CCDC74B: variants seen among roughly 807,000 people sequenced by gnomAD.
CCDC74B encodes the protein coiled-coil domain-containing protein 74B.
CCDC74B carries 34 observed loss-of-function variants against 38.0 expected under a neutral mutation model. The observed-to-expected ratio is 0.89, with a 90% CI of 0.68 to 1.19. The LOEUF is 1.19. CCDC74B is among the 50% of genes most tolerant of loss of function. The probability of loss-of-function intolerance (pLI) is 0.00; values close to 1 mark genes in which losing one functional copy is unlikely to be tolerated. For missense variants in CCDC74B, 358 were observed against 406.0 expected (o/e 0.88, Z 1.02); for synonymous variants, 132 against 170.4 (o/e 0.77, Z 1.76).
rs1362576839 is a variant in CCDC74B at position 130,139,963 on chromosome 2, G to A, written c.753-16C>T. The A allele has an allele frequency of 3.1e-6, 5 of 1,609,754 alleles. No homozygotes were observed. In the African/African-American group the frequency reaches 5.4e-5, roughly 17 times the overall value. On this transcript the variant is annotated splice_polypyrimidine_tract_variant and intron_variant, in intron 6 of 7. Transcript: ENST00000409943. ...TTCTTGGTCCCTGGGTGAAGGAAGA[G>A]TCAGCAGTGAGCTGTGGATAGGCCC...
In CCDC74B at chr2:130,142,853, T is replaced by C. The variant is rs1334696271; in HGVS notation, c.295+416A>G. 4.5e-6 allele frequency: 7 copies of C among 1,550,192 alleles called. No homozygotes were observed. In the East Asian group the frequency reaches 1.2e-4, roughly 27 times the overall value. On this transcript the variant is annotated intron_variant, in intron 2 of 7. Coordinates refer to ENST00000409943, the MANE Select transcript of CCDC74B (RefSeq NM_001258307.2). ...GGAAGGGATCCCTGGATGGAGTGTG[T>C]CCAGAGCCCCTGGGCCCCCAGCATG...
Position 130,144,839 on chromosome 2 carries a change from A to G in CCDC74B, c.158T>C (p.Leu53Pro). 1 of 1,613,520 alleles carries G rather than the reference A, an allele frequency of 6.2e-7. No individual in the cohort carries two copies. Among genetic ancestry groups the G allele is most frequent in the Non-Finnish European group, 8.5e-7 (1 of 1,179,802 alleles). Residue 53 changes from leucine (L) to proline (P), a missense_variant, in exon 1 of 8, where the codon CTG becomes CCG. Physicochemically the swap from Leu to Pro is moderately conservative, Grantham distance 98. Around this residue, in one of 3 missense-constraint regions of CCDC74B, gnomAD observed 128 missense variants for 146.7 expected, o/e 0.87. Coordinates refer to ENST00000409943, the MANE Select transcript of CCDC74B (RefSeq NM_001258307.2). The part of the protein sequence containing the change: ...QSDPQKRNLD[L>P]EKSLQFLQQQ... Reference sequence around the variant, plus strand: ...CTGCAGGAACTGTAGGCTCTTCTCCAGGTCCAGGTTCCGTTTCTGCGGGTC... The same window carrying G: ...CTGCAGGAACTGTAGGCTCTTCTCCGGGTCCAGGTTCCGTTTCTGCGGGTC...
At position 130,144,823 on chromosome 2, in the gene CCDC74B, C is replaced by CTGTA. The variant is rs779562890; in HGVS notation, c.170_173dup (p.Gln58HisfsTer17). 6.2e-7 allele frequency: 1 copy of CTGTA among 1,613,560 alleles called. No homozygotes were observed. Among genetic ancestry groups the CTGTA allele is most frequent in the South Asian group, 1.1e-5 (1 of 91,082 alleles). ...TCTCCGAGTGCTGCTGCTGCAGGAA[C>CTGTA]TGTAGGCTCTTCTCCAGGTCCAGGT... On this transcript the variant is annotated frameshift_variant, in exon 1 of 8. Coordinates refer to ENST00000409943, the MANE Select transcript of CCDC74B (RefSeq NM_001258307.2). LOFTEE classifies it high-confidence loss of function.
At chr2:130,143,950 T>G (rs1573641310) in intron 1 of CCDC74B, among the ~76,000 whole-genome samples, 8 of 113,790 alleles carry the variant, frequency 7.0e-5, no homozygotes, top group South Asian at 6.7e-4. Context: ...AAGGGGGGCG[T>G]GGGGGTGAGG....
intron 2 of CCDC74B, 111 bp from the exon 3 acceptor site, chr2:130,142,294 C>G (rs1685698160): frequency 1.2e-6 from 2 of 1,607,272 alleles, no homozygotes; most frequent in Non-Finnish European, 1.7e-6. Flanking sequence ...GCTGGGTCCT[C>G]CCGGCTCTAC....
At position 130,144,881 on chromosome 2, in the gene CCDC74B, G is replaced by C; in HGVS notation, c.116C>G (p.Pro39Arg). 1 of 1,612,852 alleles carries C rather than the reference G, an allele frequency of 6.2e-7. No homozygotes were observed. The highest frequency in any genetic ancestry group is 8.5e-7 in the Non-Finnish European group (1 of 1,179,642). ...CTGCGGGTCGCTCTGCCTGAGCTGC[G>C]GGCTCTGCGGCCTCAAGGACTGGAC... ...VGVQSLRPQS[P>R]QLRQSDPQKR... Residue 39 changes from proline (P) to arginine (R), a missense_variant, in exon 1 of 8, where the codon CCG becomes CGG. Around this residue, in one of 3 missense-constraint regions of CCDC74B, gnomAD observed 128 missense variants for 146.7 expected, o/e 0.87. Transcript: ENST00000409943.
Position 130,140,065 on chromosome 2 carries a change from C to T in CCDC74B, c.710G>A (p.Ser237Asn), listed in dbSNP as rs182090597. The stretch of plus-strand genomic sequence containing the variant: ...CTCCGGGACTGCCTGGGGCCTCTGG[C>T]TCCCTTCCAGGAGGGACTTGAGGTG... ...LQHLKSLLEG[S>N]QRPQAVPEEA... The change falls in exon 6 of 8, where the codon AGC (serine) becomes AAC (asparagine). Residue 237 changes from serine (S) to asparagine (N), a missense_variant. Physicochemically the swap from Ser to Asn is conservative, Grantham distance 46. Transcript: ENST00000409943. 7.0e-4 allele frequency: 1,126 copies of T among 1,612,364 alleles called. 15 individuals carry two copies. In the East Asian group the frequency reaches 0.022, roughly 31 times the overall value.
Position 130,141,262 on chromosome 2 carries a change from C to CT in CCDC74B, c.380dup (p.Gln128AlafsTer6), listed in dbSNP as rs1558721096. 6.2e-7 allele frequency: 1 copy of CT among 1,605,206 alleles called. No individual in the cohort carries two copies. The highest frequency in any genetic ancestry group is 2.2e-5 in the East Asian group (1 of 44,884). Reference sequence around the variant, plus strand: ...GGGGGACGTCAGCTTTTGAATCTTGCTTGTTGAAGGAGCCGGGCTGGGGCC... The same window carrying CT: ...GGGGGACGTCAGCTTTTGAATCTTGCTTTGTTGAAGGAGCCGGGCTGGGGCC... On this transcript the variant is annotated frameshift_variant, in exon 4 of 8. Coordinates refer to ENST00000409943, the MANE Select transcript of CCDC74B (RefSeq NM_001258307.2). LOFTEE classifies it high-confidence loss of function.
intron 7 of CCDC74B, 98 bp from the exon 8 acceptor site, chr2:130,139,788 C>T (rs1685474472): frequency 6.2e-7 from 1 of 1,606,998 alleles, no homozygotes; most frequent in East Asian, 2.2e-5. Flanking sequence ...ACAGAGAGGC[C>T]TCAGCGAGCT....
rs781284784 is a variant in CCDC74B at position 130,139,614 on chromosome 2, C to T, written c.886G>A (p.Glu296Lys). 14 of 1,613,288 alleles carry T rather than the reference C, an allele frequency of 8.7e-6. No homozygotes were observed. The highest frequency in any genetic ancestry group is 1.1e-5 in the South Asian group (1 of 91,032). Residue 296 changes from glutamate (E) to lysine (K), a missense_variant, in exon 8 of 8, where the codon GAG becomes AAG. Glu to Lys is a moderately conservative substitution (Grantham distance 56). Coordinates refer to ENST00000409943, the MANE Select transcript of CCDC74B (RefSeq NM_001258307.2). ...ATTGCCTGCAGCCTCTTCTGCCTCT[C>T]GGCAAAGTTGTTCTTCGGGGTCTGC... is the stretch of plus-strand genomic sequence containing the variant. ...LKQTPKNNFA[E>K]RQKRLQAMQK...
At chr2:130,142,447 C>T (rs777016247) in intron 2 of CCDC74B, 80 of 1,613,004 alleles carry the variant, frequency 5.0e-5, no homozygotes, top group African/African-American at 4.8e-4. Context: ...GGCCTCTTCC[C>T]GTGTCCTGTC....
intron 1 of CCDC74B, chr2:130,144,411 T>C: frequency 9.1e-7 from 1 of 1,103,166 alleles, no homozygotes; most frequent in South Asian, 1.3e-5. Context: ...AGTGCTGGAA[T>C]TACAGGCGTG....
rs1050543002 is a variant in CCDC74B, at chr2:130,143,327, C to T, written c.251-14G>A. 1 of 1,614,034 alleles carries T rather than the reference C, an allele frequency of 6.2e-7. No individual in the cohort carries two copies. Among genetic ancestry groups the T allele is most frequent in the Non-Finnish European group, 8.5e-7 (1 of 1,179,876 alleles). The stretch of plus-strand genomic sequence containing the variant: ...TGTAACGGAGATCTGAAAGCAAGCA[C>T]ACGCTCTCCTCAGCACTTGTGAAAC... On this transcript the variant is annotated splice_polypyrimidine_tract_variant and intron_variant, in intron 1 of 7. Transcript: ENST00000409943.
chr2:130,140,931 G>A (rs1468500108), intron 4 of CCDC74B: 1 of 568,428 alleles, frequency 1.8e-6, no homozygotes, highest in Admixed American at 3.6e-5. Flanking sequence ...GTCAGCACAG[G>A]TACTCTGCAG....
chr2:130,144,364 C>G (rs1162731035), intron 1 of CCDC74B: 11 of 892,680 alleles, frequency 1.2e-5, no homozygotes, highest in Non-Finnish European at 2.0e-5. Flanking sequence ...TGGTCTCGAT[C>G]TCCTGACCTC....
intron 1 of CCDC74B, 81 bp downstream of exon 1, chr2:130,144,666 C>T: frequency 6.4e-7 from 1 of 1,568,762 alleles, no homozygotes; most frequent in Non-Finnish European, 8.6e-7. Context: ...GAGTTGATGG[C>T]TGTGTTTCTG....
intron 3 of CCDC74B, chr2:130,141,524 A>G (rs967353798): frequency 6.1e-6 from 4 of 654,498 alleles, no homozygotes; most frequent in African/African-American, 5.3e-5. Context: ...AGAACAATCA[A>G]CATAGTGGAA....
At chr2:130,142,702 G>A (rs1231006636) in intron 2 of CCDC74B, 9 of 1,546,252 alleles carry the variant, frequency 5.8e-6, no homozygotes, top group Non-Finnish European at 7.8e-6. Context: ...GTGAGCTCGA[G>A]ACCACAACCC....
In CCDC74B at chr2:130,145,024, G is replaced by A. The variant is rs545511904; in HGVS notation, c.-28C>T. 10 of 1,407,440 alleles carry A rather than the reference G, an allele frequency of 7.1e-6. No individual in the cohort carries two copies. Among genetic ancestry groups the A allele is most frequent in the South Asian group, 1.5e-5 (1 of 65,490 alleles). The allele number at this position is 1,407,440 out of a possible 1,614,324, so 87.2% of individuals were successfully genotyped here. A position where few individuals can be genotyped will look rare whatever the true frequency, so the allele number is the denominator to read the frequency against. ...CGCCATCGCCAGGTACTCTCCCGCT[G>A]CCACTGCACCCCGGCTCAGTGGCCA... On this transcript the variant is annotated 5_prime_UTR_variant, in exon 1 of 8. Transcript: ENST00000409943.
Sources: gnomAD v4.1 joint callset for allele counts (sites outside exome capture counted in the v4.1 genomes callset) on GRCh38, gnomAD v4.1.1 for gene constraint, gnomAD v4.1.1 regional missense constraint, MANE v1.5 for transcripts, NCBI Gene and HGNC (gene_info 2026-07-23, HGNC 2026-07-21) for gene names.